The following ZBTB1 variants were observed in gnomAD, a reference collection of about 807,000 sequenced individuals.
The protein encoded by ZBTB1 is zinc finger and BTB domain containing 1, also known as zinc finger and BTB domain-containing protein 1.
A neutral mutation model predicts 51.6 loss-of-function variants in ZBTB1; 13 were observed. The observed-to-expected ratio is 0.25, with a 90% CI of 0.16 to 0.40. ZBTB1 has a LOEUF of 0.40. ZBTB1 is among the 10% of genes least tolerant of loss of function. The pLI is 1.00. For missense variants in ZBTB1, 567 were observed against 856.5 expected (o/e 0.66, Z 4.22); for synonymous variants, 240 against 282.2 (o/e 0.85, Z 1.50).
At chr14:64,529,978 A>G (rs1445732174) in intron 2 of ZBTB1, among the ~76,000 whole-genome samples, 1 of 152,204 alleles carries the variant, frequency 6.6e-6, no homozygotes, top group Non-Finnish European at 1.5e-5. Context: ...AGACAGTTTT[A>G]CTCATAAAAC....
At position 64,523,042 on chromosome 14, in the gene ZBTB1, A is replaced by G; in HGVS notation, c.1538A>G (p.Asp513Gly). ...GTTGAAATGCTGGATGATTTTAGGG[A>G]CAATCATTACCAGATAAACAGTATC... is the stretch of plus-strand genomic sequence containing the variant. The part of the protein sequence containing the change: ...MFVEMLDDFR[D>G]NHYQINSIQK... Residue 513 changes from aspartate to glycine, a missense_variant, in exon 2 of 2, where the codon GAC becomes GGC. Coordinates refer to ENST00000683701, the MANE Select transcript of ZBTB1 (RefSeq NM_001123329.2). This position sits in a 1 kb window ranked among gnomAD's most constrained non-coding sequence, Gnocchi z 4.5. 6.2e-7 allele frequency: 1 copy of G among 1,614,202 alleles called. No homozygotes were observed. The highest frequency in any genetic ancestry group is 8.5e-7 in the Non-Finnish European group (1 of 1,180,026).
At chr14:64,529,182 AAC>A (rs1487233946), downstream of ZBTB1, among the ~76,000 whole-genome samples, 70 of 152,310 alleles carry the variant, frequency 4.6e-4, no homozygotes, top group African/African-American at 1.6e-3. Context: ...TTAAACTTAA[AAC>A]AGTTAGTGGT....
intron 1 of ZBTB1, among the ~76,000 whole-genome samples, chr14:64,519,537 G>C (rs938208379): frequency 2.0e-5 from 3 of 151,142 alleles, no homozygotes; most frequent in Admixed American, 6.6e-5. Flanking sequence ...CCCGAGGCAG[G>C]AGGATCGCTT....
Position 64,522,657 on chromosome 14 carries a change from A to G in ZBTB1, c.1153A>G (p.Arg385Gly). The change falls in exon 2 of 2, where the codon AGG (arginine) becomes GGG (glycine). Residue 385 changes from arginine to glycine, a missense_variant. Arg to Gly is a moderately radical substitution (Grantham distance 125). This residue lies in a region of ZBTB1 where 329 missense variants were observed against 406.3 expected (regional missense o/e 0.81). Coordinates refer to ENST00000683701, the MANE Select transcript of ZBTB1 (RefSeq NM_001123329.2). Reference sequence around the variant, plus strand: ...AGATGTCAGCATAAAAAAAAGTGGTAGGAAAACTCTAAAACCTCGAATGTC... The same window carrying G: ...AGATGTCAGCATAAAAAAAAGTGGTGGGAAAACTCTAAAACCTCGAATGTC... ...EEDVSIKKSG[R>G]KTLKPRMSVS... is the part of the protein sequence containing the mutation. The G allele has an allele frequency of 6.2e-7, 1 of 1,614,202 alleles. No individual in the cohort carries two copies. Among genetic ancestry groups the G allele is most frequent in the Non-Finnish European group, 8.5e-7 (1 of 1,180,018 alleles).
exon 3 of ZBTB1, chr14:64,532,486 C>CT (rs1482900125): frequency 6.6e-6 from 1 of 152,178 alleles, no homozygotes; most frequent in Non-Finnish European, 1.5e-5. Context: ...TAGTAAAACA[C>CT]TTGCCCTTCT....
chr14:64,504,514 A>C (rs114439474), upstream of ZBTB1: 2,006 of 167,568 alleles, frequency 0.012, 50 homozygotes, highest in African/African-American at 0.046. Flanking sequence ...GGGGTGGTCA[A>C]GCCGCCGCCG....
At chr14:64,532,086 T>G in exon 3 of ZBTB1, 1 of 576,668 alleles carries the variant, frequency 1.7e-6, no homozygotes, top group Non-Finnish European at 2.9e-6. Flanking sequence ...TGGAATCACT[T>G]TGTTGTAACA....
In ZBTB1 at chr14:64,523,859, T is replaced by G. The variant is rs1025830495; in HGVS notation, c.*213T>G. ...GTTGTTTCTTAATAGAATTATTTGT[T>G]TTTAGTTTTTCTTAGCTATGATTAA... On this transcript the variant is annotated 3_prime_UTR_variant, in exon 2 of 2. Transcript: ENST00000683701. This position sits in a 1 kb window ranked among gnomAD's most constrained non-coding sequence, Gnocchi z 4.5. 19 of 1,240,912 alleles carry G rather than the reference T, an allele frequency of 1.5e-5. No homozygotes were observed. The highest frequency in any genetic ancestry group is 1.8e-5 in the Non-Finnish European group (18 of 976,188). 76.9% of individuals were successfully genotyped at this position (1,240,912 alleles called of 1,614,324 possible).
Position 64,531,761 on chromosome 14 carries a change from C to T in ZBTB1, c.1899-100C>T. 3.4e-6 allele frequency: 5 copies of T among 1,484,610 alleles called. No individual in the cohort carries two copies. In the South Asian group the frequency reaches 5.9e-5, roughly 18 times the overall value. The allele number at this position is 1,484,610 out of a possible 1,614,324, so 92.0% of individuals were successfully genotyped here. On this transcript the variant is annotated intron_variant, in intron 2 of 2. Transcript: ENST00000358738. The stretch of plus-strand genomic sequence containing the variant: ...TGTTAACAGTGTGTTGGCCTAGTGC[C>T]AAAGCCAAGAAATTCTGATCTAAGA...
rs752827333 is a variant in ZBTB1 at position 64,522,296 on chromosome 14, C to G, written c.792C>G (p.Ile264Met). The G allele has an allele frequency of 4.3e-6, 7 of 1,614,042 alleles. No individual in the cohort carries two copies. The highest frequency in any genetic ancestry group is 5.9e-6 in the Non-Finnish European group (7 of 1,180,034). ...TTAGAGATGGAAAAGACAGTAACAT[C>G]AAAGCTGAATTTGGTGAAAAAGATT... ...VDIRDGKDSN[I>M]KAEFGEKDSS... The change falls in exon 2 of 2, where the codon ATC becomes ATG. Residue 264 changes from isoleucine to methionine, a missense_variant. Around this residue, in one of 5 missense-constraint regions of ZBTB1, gnomAD observed 329 missense variants for 406.3 expected, o/e 0.81. Coordinates refer to ENST00000683701, the MANE Select transcript of ZBTB1 (RefSeq NM_001123329.2).
chr14:64,516,709 C>T (rs543630520), intron 1 of ZBTB1: 1 of 152,314 alleles, frequency 6.6e-6, no homozygotes, highest in South Asian at 2.1e-4. Context: ...ACTTGTGCTA[C>T]TGCTGATGAT....
intron 1 of ZBTB1, among the ~76,000 whole-genome samples, chr14:64,512,860 T>C (rs572263472): frequency 6.6e-5 from 10 of 152,184 alleles, no homozygotes; most frequent in Non-Finnish European, 7.3e-5. Context: ...GATGGTATTC[T>C]AGGAAAGAAT....
intron 1 of ZBTB1, among the ~76,000 whole-genome samples, chr14:64,515,902 T>A (rs1382351118): frequency 1.3e-5 from 2 of 152,220 alleles, no homozygotes; most frequent in Non-Finnish European, 1.5e-5. Flanking sequence ...CCCTGCCGCA[T>A]ACTCCTCTAC....
In ZBTB1 at chr14:64,524,213, A is replaced by G. The variant is rs1379979844; in HGVS notation, c.*567A>G. ...AACCTTTAAGGTTGACATGGGCTCA[A>G]ACTTGGCCTAAAAAGATTGATGAAC... On this transcript the variant is annotated 3_prime_UTR_variant, in exon 2 of 2. Transcript: ENST00000683701. The G allele has an allele frequency of 3.0e-6, 3 of 985,254 alleles. No individual in the cohort carries two copies. Among genetic ancestry groups the G allele is most frequent in the Non-Finnish European group, 3.6e-6 (3 of 829,822 alleles). The allele number at this position is 985,254 out of a possible 1,614,324, so 61.0% of individuals were successfully genotyped here.
chr14:64,509,847 G>A (rs2079705744), intron 1 of ZBTB1, among the ~76,000 whole-genome samples: 2 of 151,928 alleles, frequency 1.3e-5, no homozygotes, highest in Non-Finnish European at 2.9e-5. Flanking sequence ...CGTGGTGGTG[G>A]GCGCCTGTAG....
In ZBTB1 at chr14:64,523,821, G is replaced by A. The variant is rs887632211; in HGVS notation, c.*175G>A. On this transcript the variant is annotated 3_prime_UTR_variant, in exon 2 of 2. Coordinates refer to ENST00000683701, the MANE Select transcript of ZBTB1 (RefSeq NM_001123329.2). This position sits in a 1 kb window ranked among gnomAD's most constrained non-coding sequence, Gnocchi z 4.5. ...AAGTATCTACATTTAGGTATTAAAT[G>A]TTTATCATTTTTGTTGTTTCTTAAT... The A allele has an allele frequency of 7.8e-7, 1 of 1,287,600 alleles. No individual in the cohort carries two copies. Among genetic ancestry groups the A allele is most frequent in the African/African-American group, 1.5e-5 (1 of 65,098 alleles). The allele number at this position is 1,287,600 out of a possible 1,614,324, so 79.8% of individuals were successfully genotyped here.
chr14:64,521,690 A>C lies in ZBTB1; in HGVS notation c.186A>C (p.Gln62His), dbSNP rs768564161. The C allele has an allele frequency of 1.9e-6, 3 of 1,614,164 alleles. No homozygotes were observed. The highest frequency in any genetic ancestry group is 2.5e-6 in the Non-Finnish European group (3 of 1,180,040). Residue 62 changes from glutamine (Q) to histidine (H), a missense_variant, in exon 2 of 2, where the codon CAA (glutamine) becomes CAC (histidine). Physicochemically the swap from Gln to His is conservative, Grantham distance 24 (BLOSUM62 0). Coordinates refer to ENST00000683701, the MANE Select transcript of ZBTB1 (RefSeq NM_001123329.2). Reference sequence around the variant, plus strand: ...TGAACCATCAGCATAGTACTGCACAACTGAATCTCAGCAACATGAAAATTA... The same window carrying C: ...TGAACCATCAGCATAGTACTGCACACCTGAATCTCAGCAACATGAAAATTA... ...FFMNHQHSTA[Q>H]LNLSNMKISA...
chr14:64,526,636 C>T (rs894272612), downstream of ZBTB1, among the ~76,000 whole-genome samples: 1 of 152,130 alleles, frequency 6.6e-6, no homozygotes, highest in East Asian at 1.9e-4. Flanking sequence ...GCATGTTCTA[C>T]GATTCCTTAG....
intron 1 of ZBTB1, among the ~76,000 whole-genome samples, chr14:64,511,934 C>A (rs1028150995): frequency 6.6e-6 from 1 of 152,148 alleles, no homozygotes; most frequent in Non-Finnish European, 1.5e-5. Context: ...GAGCCCTAGA[C>A]CAGGATTGAG....
Sources: allele counts gnomAD v4.1 joint callset (sites outside exome capture counted in the v4.1 genomes callset), GRCh38; gene constraint gnomAD v4.1.1; regional missense constraint gnomAD v4.1.1; non-coding constraint Gnocchi (gnomAD v3.1); transcripts MANE v1.5; gene names NCBI Gene and HGNC (gene_info 2026-07-23, HGNC 2026-07-21).